Variants in TET1 observed in about 807,000 individuals in gnomAD.
TET1 encodes methylcytosine dioxygenase TET1.
In TET1, 13 loss-of-function variants were observed where a neutral mutation model predicts 148.7. The ratio of observed to expected loss-of-function variants is 0.09; its 90% CI spans 0.06 to 0.14. The LOEUF is 0.14. TET1 is among the 10% of genes least tolerant of loss of function. The pLI is 1.00. For missense variants in TET1, 2,182 were observed against 2,553.8 expected (o/e 0.85, Z 3.14); for synonymous variants, 907 against 937.2 (o/e 0.97, Z 0.59).
intron 2 of TET1, among the ~76,000 whole-genome samples, chr10:68,592,189 GC>G (rs1266961905): frequency 6.6e-6 from 1 of 151,526 alleles, no homozygotes; most frequent in Non-Finnish European, 1.5e-5. Context: ...GGTGGCGGGC[GC>G]CTGTAATCCC....
In TET1 at chr10:68,572,350, C is replaced by A. The variant is rs2053679459; in HGVS notation, c.12C>A (p.Ser4=). MSR[S]RHARPSRLVR... ...CCTACTCTGTAGCTATGTCTCGATC[C>A]CGCCATGCAAGGCCTTCCAGATTAG... Residue 4 remains serine (S), a synonymous_variant, in exon 2 of 12, where the codon TCC becomes TCA. Coordinates refer to ENST00000373644, the MANE Select transcript of TET1 (RefSeq NM_030625.3). 1.9e-6 allele frequency: 3 copies of A among 1,599,442 alleles called. No individual in the cohort carries two copies. Among genetic ancestry groups the A allele is most frequent in the Non-Finnish European group, 2.6e-6 (3 of 1,176,336 alleles).
At chr10:68,644,582 A>G (rs1268388502) in intron 3 of TET1, 116 bp from the exon 4 acceptor site, 1 of 1,012,422 alleles carries the variant, frequency 9.9e-7, no homozygotes, top group Non-Finnish European at 1.4e-6. Flanking sequence ...AGCAAAAATA[A>G]TATTTTAGGC....
At chr10:68,628,013 G>T (rs149971528) in intron 3 of TET1, among the ~76,000 whole-genome samples, 4 of 152,110 alleles carry the variant, frequency 2.6e-5, no homozygotes, top group East Asian at 1.9e-4. Context: ...ATTATTTTTG[G>T]GGGGGACAGA....
chr10:68,592,026 CAA>C (rs1037181452), intron 2 of TET1, among the ~76,000 whole-genome samples: 4 of 152,194 alleles, frequency 2.6e-5, no homozygotes, highest in Admixed American at 1.3e-4. Flanking sequence ...AGCTTAAAAA[CAA>C]AAGAGTTGAC....
chr10:68,659,011 T>G (rs553887607), intron 6 of TET1, among the ~76,000 whole-genome samples: 70 of 152,258 alleles, frequency 4.6e-4, no homozygotes, highest in African/African-American at 1.6e-3. Context: ...GCAGATCACT[T>G]GAGACCAGGA....
chr10:68,618,327 A>AT (rs34653989), intron 3 of TET1, among the ~76,000 whole-genome samples: 1 of 152,162 alleles, frequency 6.6e-6, no homozygotes, highest in Non-Finnish European at 1.5e-5. Flanking sequence ...TAACTGGCAT[A>AT]TTTTTTAAAA....
At chr10:68,647,989 T>C (rs2054877890) in intron 4 of TET1, among the ~76,000 whole-genome samples, 1 of 152,236 alleles carries the variant, frequency 6.6e-6, no homozygotes, top group Non-Finnish European at 1.5e-5. Flanking sequence ...ACTTGAAGAA[T>C]TCATAAGCCT....
chr10:68,570,039 CTG>C (rs2053650662), intron 1 of TET1, among the ~76,000 whole-genome samples: 1 of 151,888 alleles, frequency 6.6e-6, no homozygotes, highest in Admixed American at 6.6e-5. Context: ...TTGTGTGGTA[CTG>C]TGGTTTGGGG....
intron 7 of TET1, among the ~76,000 whole-genome samples, chr10:68,670,649 C>T (rs1023086133): frequency 6.6e-6 from 1 of 152,108 alleles, no homozygotes; most frequent in Non-Finnish European, 1.5e-5. Flanking sequence ...TTCTCTCCTT[C>T]CATGTCTTTT....
intron 3 of TET1, among the ~76,000 whole-genome samples, chr10:68,640,787 G>A (rs1017492163): frequency 4.0e-5 from 6 of 151,066 alleles, no homozygotes; most frequent in East Asian, 2.0e-4. Flanking sequence ...TCCTGACCTC[G>A]TGATCTGCCC....
chr10:68,603,329 T>C (rs2054082173), intron 3 of TET1, among the ~76,000 whole-genome samples: 1 of 152,232 alleles, frequency 6.6e-6, no homozygotes, highest in Admixed American at 6.5e-5. Context: ...TAGAAAGTAG[T>C]TGGATACGTG....
intron 3 of TET1, among the ~76,000 whole-genome samples, chr10:68,620,103 G>T (rs1024046224): frequency 6.6e-6 from 1 of 152,178 alleles, no homozygotes; most frequent in Non-Finnish European, 1.5e-5. Context: ...CTGAGGCAGA[G>T]AGAATTGCTT....
chr10:68,682,313 T>C (rs1023563826), intron 9 of TET1, among the ~76,000 whole-genome samples: 4 of 151,950 alleles, frequency 2.6e-5, no homozygotes, highest in African/African-American at 9.7e-5. Context: ...GGTTTCACCA[T>C]GTTTCCCAGG....
chr10:68,688,255 G>A lies in TET1; in HGVS notation c.5404+1548G>A, dbSNP rs541559903. On this transcript the variant is annotated intron_variant, in intron 11 of 11. Coordinates refer to ENST00000373644, the MANE Select transcript of TET1 (RefSeq NM_030625.3). ...TGGGATTACAGGTGCCCGCCACCAC[G>A]CCCAGTTAATTTTTGTATTTTTAGT... Among the ~76,000 whole-genome samples, 24 of 151,368 alleles carry A rather than the reference G, an allele frequency of 1.6e-4. No individual in the cohort carries two copies. The East Asian group carries it at 3.1e-3, about 20-fold the overall frequency.
intron 2 of TET1, among the ~76,000 whole-genome samples, chr10:68,593,561 C>T (rs2053943652): frequency 6.6e-6 from 1 of 152,054 alleles, no homozygotes. Flanking sequence ...CCTCAGGCTC[C>T]TGAGTAGCTG....
intron 2 of TET1, among the ~76,000 whole-genome samples, chr10:68,584,511 C>T (rs1286013726): frequency 6.6e-6 from 1 of 151,646 alleles, no homozygotes; most frequent in African/African-American, 2.4e-5. Context: ...AAGTTCGAGA[C>T]CAGCCTGGCC....
At chr10:68,616,660 A>G (rs1311073000) in intron 3 of TET1, among the ~76,000 whole-genome samples, 1 of 150,940 alleles carries the variant, frequency 6.6e-6, no homozygotes, top group Admixed American at 6.6e-5. Context: ...TTCAGCCTCC[A>G]AAATTGCTGG....
rs150535074 is a variant in TET1, at chr10:68,615,719, C to T, written c.1968+14685C>T. Among the ~76,000 whole-genome samples the T allele has an allele frequency of 2.6e-3, 389 of 152,130 alleles. 3 individuals are homozygous for T. Among genetic ancestry groups the T allele is most frequent in the African/African-American group, 9.1e-3 (379 of 41,506 alleles). On this transcript the variant is annotated intron_variant, in intron 3 of 11. Coordinates refer to ENST00000373644, the MANE Select transcript of TET1 (RefSeq NM_030625.3). ...TATTGTCCAGGCTGGAGTGCAATGG[C>T]GCGATCTCAGCTCACCGTAACCTCT...
At chr10:68,675,066 C>A in intron 8 of TET1, 1 of 554,804 alleles carries the variant, frequency 1.8e-6, no homozygotes, top group South Asian at 1.9e-5. Context: ...TAAAGTAGAA[C>A]GAGCTGATGG....
Sources: gnomAD v4.1 joint callset for allele counts (sites outside exome capture counted in the v4.1 genomes callset) on GRCh38, gnomAD v4.1.1 for gene constraint, MANE v1.5 for transcripts, NCBI Gene and HGNC (gene_info 2026-07-23, HGNC 2026-07-21) for gene names.